C8orf74: variants seen among roughly 807,000 people sequenced by gnomAD.
C8orf74 encodes the protein chromosome 8 open reading frame 74.
A neutral mutation model predicts 22.2 loss-of-function variants in C8orf74; 29 were observed. The observed-to-expected ratio is 1.31, with a 90% CI of 0.97 to 1.78. The LOEUF is 1.78. Ranked by LOEUF, C8orf74 falls within the 40% of genes most tolerant of loss-of-function variation. The pLI is 0.00. For synonymous variants in C8orf74, 255 were observed against 163.1 expected (o/e 1.56, Z -4.30); for missense variants, 515 against 369.9 (o/e 1.39, Z -3.22).
intron 2 of C8orf74, chr8:10,687,171 A>T: frequency 2.2e-6 from 1 of 455,876 alleles, no homozygotes; most frequent in South Asian, 1.5e-5. Context: ...GGCATTACTT[A>T]TTGAGTGTTT....
In C8orf74 at chr8:10,697,997, G is replaced by A. The variant is rs936498609; in HGVS notation, c.640G>A (p.Glu214Lys). 3 of 1,484,724 alleles carry A rather than the reference G, an allele frequency of 2.0e-6. No homozygotes were observed. Among genetic ancestry groups the A allele is most frequent in the Non-Finnish European group, 2.7e-6 (3 of 1,120,416 alleles). 92.0% of individuals were successfully genotyped at this position (1,484,724 alleles called of 1,614,324 possible). The stretch of plus-strand genomic sequence containing the variant: ...GCCTGCGCAGCCCGGCCAGGTCCTG[G>A]AGAGACAGGTGAGGCTCTGCCCCCC... ...AAPAQPGQVLERQELESLICQ... is the reference protein window; with the variant it reads ...AAPAQPGQVLKRQELESLICQ... The change falls in exon 3 of 4, where the codon GAG becomes AAG. Residue 214 changes from glutamate (E) to lysine (K), a missense_variant. By Grantham distance (56) the Glu-to-Lys change is moderately conservative. Transcript: ENST00000304519.
chr8:10,681,156 G>T (rs1226275820), intron 2 of C8orf74, among the ~76,000 whole-genome samples: 1 of 152,038 alleles, frequency 6.6e-6, no homozygotes, highest in South Asian at 2.1e-4. Flanking sequence ...AGTCCGATCA[G>T]GCCTTGGCGC....
At chr8:10,688,662 C>G (rs753257013) in intron 2 of C8orf74, 2 of 152,340 alleles carry the variant, frequency 1.3e-5, no homozygotes, top group African/African-American at 2.4e-5. Context: ...TGATGCATCT[C>G]CAGCCAGCGT....
At chr8:10,683,383 C>T (rs575236051) in intron 2 of C8orf74, among the ~76,000 whole-genome samples, 3 of 152,334 alleles carry the variant, frequency 2.0e-5, no homozygotes, top group Non-Finnish European at 4.4e-5. Flanking sequence ...CCCCTTCCCA[C>T]ATCTGATTTC....
At chr8:10,679,039 AG>A (rs1448739159) in intron 2 of C8orf74, among the ~76,000 whole-genome samples, 1 of 152,182 alleles carries the variant, frequency 6.6e-6, no homozygotes, top group African/African-American at 2.4e-5. Context: ...CGTCACCTCC[AG>A]GCCCAGGCTG....
At chr8:10,675,795 C>T (rs1799020283) in intron 2 of C8orf74, 1 of 152,220 alleles carries the variant, frequency 6.6e-6, no homozygotes, top group Non-Finnish European at 1.5e-5. Flanking sequence ...CAAAGTAGCC[C>T]TCCTGCCAGC....
At chr8:10,685,097 G>T (rs1169664596) in intron 2 of C8orf74, among the ~76,000 whole-genome samples, 2 of 152,208 alleles carry the variant, frequency 1.3e-5, no homozygotes, top group Non-Finnish European at 2.9e-5. Flanking sequence ...TATTTCCGGA[G>T]ATTTTTACTT....
intron 2 of C8orf74, chr8:10,687,151 C>T (rs1023930393): frequency 2.2e-5 from 10 of 456,006 alleles, no homozygotes; most frequent in Admixed American, 4.7e-5. Flanking sequence ...ATGGCAATGA[C>T]GGTGACAATG....
At chr8:10,674,956 C>A in intron 2 of C8orf74, 118 bp downstream of exon 2, 1 of 801,160 alleles carries the variant, frequency 1.2e-6, no homozygotes. Context: ...CCCTTCCTGC[C>A]CTTCCCTGGC....
rs371927159 is a variant in C8orf74, at chr8:10,672,851, C to T, written c.48+138C>T. ...CAGCACAGCACCTCTGAGGCTGTGACGAGATGTGGGGCCCAAACTTCAGGC... is the reference window on the plus strand; with the variant it reads ...CAGCACAGCACCTCTGAGGCTGTGATGAGATGTGGGGCCCAAACTTCAGGC... On this transcript the variant is annotated intron_variant, in intron 1 of 3. Transcript: ENST00000304519. The T allele has an allele frequency of 3.0e-4, 219 of 735,290 alleles. No homozygotes were observed. The African/African-American group carries it at 3.0e-3, about 10-fold the overall frequency. The allele number at this position is 735,290 out of a possible 1,614,324, so 45.5% of individuals were successfully genotyped here. A position where few individuals can be genotyped will look rare whatever the true frequency, so the allele number is the denominator to read the frequency against.
intron 2 of C8orf74, among the ~76,000 whole-genome samples, chr8:10,693,559 C>T (rs1799428478): frequency 6.6e-6 from 1 of 152,144 alleles, no homozygotes; most frequent in South Asian, 2.1e-4. Flanking sequence ...TTGATTGGGC[C>T]CCTCCTGTAC....
At chr8:10,695,681 T>C (rs556041738) in intron 2 of C8orf74, among the ~76,000 whole-genome samples, 1 of 151,832 alleles carries the variant, frequency 6.6e-6, no homozygotes, top group South Asian at 2.1e-4. Flanking sequence ...CAAAACAACC[T>C]CGTGGGCAAG....
intron 2 of C8orf74, among the ~76,000 whole-genome samples, chr8:10,684,341 G>A (rs1045699138): frequency 1.3e-5 from 2 of 152,158 alleles, no homozygotes; most frequent in African/African-American, 2.4e-5. Flanking sequence ...TTGAGAAATG[G>A]CGGCAAGGAT....
chr8:10,682,321 T>C (rs1295776760), intron 2 of C8orf74, among the ~76,000 whole-genome samples: 1 of 152,230 alleles, frequency 6.6e-6, no homozygotes, highest in Non-Finnish European at 1.5e-5. Flanking sequence ...CTTTTGTAGA[T>C]GCCTCCGTGC....
Position 10,677,946 on chromosome 8 carries a change from A to C in C8orf74, c.241+3108A>C, listed in dbSNP as rs377122511. ...GGATCTCACAGTCACCCCCACGGAT[A>C]CCACCTCGTTCAGACTGGCCTTCCT... On this transcript the variant is annotated intron_variant, in intron 2 of 3. Coordinates refer to ENST00000304519, the MANE Select transcript of C8orf74 (RefSeq NM_001040032.2). Among the ~76,000 whole-genome samples the C allele has an allele frequency of 2.6e-5, 4 of 152,338 alleles. No individual in the cohort carries two copies. In the East Asian group the frequency reaches 7.7e-4, roughly 29 times the overall value.
intron 2 of C8orf74, chr8:10,691,360 GT>G (rs1799377328): frequency 5.6e-6 from 1 of 177,292 alleles, no homozygotes; most frequent in South Asian, 1.4e-4. Context: ...TCAGATCTGG[GT>G]TTTGTGTACG....
At chr8:10,683,699 G>A (rs1487575352) in intron 2 of C8orf74, among the ~76,000 whole-genome samples, 5 of 152,206 alleles carry the variant, frequency 3.3e-5, no homozygotes, top group African/African-American at 1.2e-4. Context: ...CACAGCTTAT[G>A]AGAGTTGAGA....
At chr8:10,688,842 A>G (rs554752425) in intron 2 of C8orf74, 4 of 152,388 alleles carry the variant, frequency 2.6e-5, no homozygotes, top group Admixed American at 1.3e-4. Flanking sequence ...CTTGTGCTGC[A>G]GTAGGAGGTG....
intron 2 of C8orf74, chr8:10,689,834 C>T (rs1033594433): frequency 6.6e-6 from 1 of 152,232 alleles, no homozygotes; most frequent in South Asian, 2.1e-4. Flanking sequence ...ACCAAGGCCA[C>T]TCTTCTCGTC....
Sources: gnomAD v4.1 joint callset for allele counts (sites outside exome capture counted in the v4.1 genomes callset) on GRCh38, gnomAD v4.1.1 for gene constraint, MANE v1.5 for transcripts, NCBI Gene and HGNC (gene_info 2026-07-23, HGNC 2026-07-21) for gene names.